The following NRBF2 variants were observed in gnomAD, a reference collection of about 807,000 sequenced individuals.
NRBF2 encodes nuclear receptor binding factor 2.
In NRBF2, 12 loss-of-function variants were observed where a neutral mutation model predicts 28.5. The ratio of observed to expected loss-of-function variants is 0.42; its 90% CI spans 0.27 to 0.68. The LOEUF (loss-of-function observed/expected upper bound fraction) is 0.68, where lower values mean the gene tolerates loss of function less well. Ranked by LOEUF, NRBF2 falls within the 30% of genes least tolerant of loss-of-function variation. NRBF2 has a pLI of 0.24. For synonymous variants in NRBF2, 102 were observed against 116.5 expected (o/e 0.88, Z 0.80); for missense variants, 274 against 333.5 (o/e 0.82, Z 1.39).
chr10:63,136,866 C>T (rs921185293), intron 1 of NRBF2, among the ~76,000 whole-genome samples: 8 of 152,188 alleles, frequency 5.3e-5, no homozygotes, highest in South Asian at 2.1e-4. Flanking sequence ...CTGGAAGAGA[C>T]TAGTTTGAAA....
Position 63,140,825 on chromosome 10 carries a change from C to T in NRBF2, c.31-5384C>T, listed in dbSNP as rs192830229. Reference sequence around the variant, plus strand: ...AAGCGATTCTCCTGCCTCAGCCTCCCGAGTAGCTGGGACTACAGGTGGGCG... The same window carrying T: ...AAGCGATTCTCCTGCCTCAGCCTCCTGAGTAGCTGGGACTACAGGTGGGCG... On this transcript the variant is annotated intron_variant, in intron 1 of 3. Transcript: ENST00000277746. Among the ~76,000 whole-genome samples the T allele has an allele frequency of 2.7e-3, 407 of 152,174 alleles. 3 individuals are homozygous for T. In the South Asian group the frequency reaches 0.036, roughly 14 times the overall value.
intron 1 of NRBF2, among the ~76,000 whole-genome samples, chr10:63,136,156 G>A (rs1168082095): frequency 1.4e-5 from 2 of 147,762 alleles, no homozygotes; most frequent in Non-Finnish European, 3.0e-5. Context: ...TTTTTGAGAC[G>A]GAGTCTCGCT....
chr10:63,144,617 C>T (rs1258988938), intron 1 of NRBF2, among the ~76,000 whole-genome samples: 4 of 151,944 alleles, frequency 2.6e-5, no homozygotes, highest in Non-Finnish European at 4.4e-5. Context: ...GGGGTTTCAC[C>T]GTGTTAGCCA....
chr10:63,142,627 T>A (rs1352640262), intron 1 of NRBF2, among the ~76,000 whole-genome samples: 1 of 152,146 alleles, frequency 6.6e-6, no homozygotes, highest in African/African-American at 2.4e-5. Flanking sequence ...GCTTTCTTCA[T>A]CATGTACATT....
chr10:63,140,543 A>C (rs150676780), intron 1 of NRBF2, among the ~76,000 whole-genome samples: 10 of 151,900 alleles, frequency 6.6e-5, no homozygotes, highest in African/African-American at 1.9e-4. Flanking sequence ...TCCCTCCTGT[A>C]GCTGGGACTA....
Position 63,133,426 on chromosome 10 carries a change from G to A in NRBF2, c.-45G>A. 6.2e-7 allele frequency: 1 copy of A among 1,609,814 alleles called. No individual in the cohort carries two copies. Among genetic ancestry groups the A allele is most frequent in the Middle Eastern group, 1.7e-4 (1 of 6,042 alleles). ...CTTGCAGTCCCCTCCATGTTCCCCG[G>A]CGCCACTACTCCCCTTCCTAAGGCC... On this transcript the variant is annotated 5_prime_UTR_variant, in exon 1 of 4. Transcript: ENST00000277746.
chr10:63,154,032 GT>G lies in NRBF2; in HGVS notation c.680del (p.Leu227TyrfsTer55). 1 of 1,612,668 alleles carries G rather than the reference GT, an allele frequency of 6.2e-7. No individual in the cohort carries two copies. The highest frequency in any genetic ancestry group is 2.2e-5 in the East Asian group (1 of 44,876). On this transcript the variant is annotated frameshift_variant, in exon 4 of 4. Transcript: ENST00000277746. LOFTEE classifies it high-confidence loss of function. ...VDADFVETSE[L>X]WSLPPHAETA... Reference sequence around the variant, plus strand: ...ATGCTGATTTTGTAGAAACGTCAGAGTTATGGAGCTTGCCACCACATGCAGA... The same window carrying G: ...ATGCTGATTTTGTAGAAACGTCAGAGTATGGAGCTTGCCACCACATGCAGA...
Position 63,153,948 on chromosome 10 carries a change from A to G in NRBF2, c.594A>G (p.Gln198=), listed in dbSNP as rs1206791993. The G allele has an allele frequency of 5.0e-6, 8 of 1,611,924 alleles. No individual in the cohort carries two copies. Among genetic ancestry groups the G allele is most frequent in the Non-Finnish European group, 6.8e-6 (8 of 1,179,812 alleles). The part of the protein sequence containing the change: ...ENERLRKENK[Q]LKAEKARLLK... ...AAAGATTAAGGAAAGAAAATAAACA[A>G]CTAAAGGCTGAAAAGGCCAGACTTC... is the stretch of plus-strand genomic sequence containing the variant. The change falls in exon 4 of 4, where the codon CAA becomes CAG. Residue 198 remains glutamine, a synonymous_variant. Coordinates refer to ENST00000277746, the MANE Select transcript of NRBF2 (RefSeq NM_030759.5).
At chr10:63,134,542 A>G (rs904289884) in intron 1 of NRBF2, among the ~76,000 whole-genome samples, 12 of 152,178 alleles carry the variant, frequency 7.9e-5, no homozygotes, top group Admixed American at 3.9e-4. Flanking sequence ...TTTGAATTCT[A>G]ACCTCGTCAC....
chr10:63,135,684 G>C (rs1432528431), intron 1 of NRBF2, among the ~76,000 whole-genome samples: 1 of 136,798 alleles, frequency 7.3e-6, no homozygotes, highest in Non-Finnish European at 1.5e-5. Context: ...GTCTCTCTCT[G>C]TCACCAGACT....
chr10:63,151,912 T>C (rs547759300), intron 2 of NRBF2, among the ~76,000 whole-genome samples: 59 of 152,352 alleles, frequency 3.9e-4, no homozygotes, highest in African/African-American at 1.4e-3. Context: ...TTCTGAATTA[T>C]AAAATCTGTA....
chr10:63,154,121 T>C lies in NRBF2; in HGVS notation c.767T>C (p.Ile256Thr), dbSNP rs1301085837. ...GCAAATACTGGGAAAGCCAAGGACA[T>C]TCCAATCCCCAATCTTCCTCCCTTG... ...FAANTGKAKD[I>T]PIPNLPPLDF... Residue 256 changes from isoleucine (I) to threonine (T), a missense_variant, in exon 4 of 4, where the codon ATT (isoleucine) becomes ACT (threonine). By Grantham distance (89) the Ile-to-Thr change is moderately conservative. Transcript: ENST00000277746. The C allele has an allele frequency of 3.1e-6, 5 of 1,613,884 alleles. No individual in the cohort carries two copies. The highest frequency in any genetic ancestry group is 4.2e-6 in the Non-Finnish European group (5 of 1,179,806).
At chr10:63,139,629 A>C (rs1004012043) in intron 1 of NRBF2, among the ~76,000 whole-genome samples, 3 of 152,110 alleles carry the variant, frequency 2.0e-5, no homozygotes, top group Non-Finnish European at 4.4e-5. Context: ...TTGGTTTATG[A>C]CCGTATAGAG....
intron 1 of NRBF2, among the ~76,000 whole-genome samples, chr10:63,137,953 C>G (rs1173267016): frequency 2.0e-5 from 3 of 152,082 alleles, no homozygotes; most frequent in African/African-American, 7.2e-5. Context: ...ATCTTTTCCT[C>G]TTAATAGCTA....
At chr10:63,144,209 G>A (rs576581193) in intron 1 of NRBF2, among the ~76,000 whole-genome samples, 41 of 152,174 alleles carry the variant, frequency 2.7e-4, no homozygotes, top group Admixed American at 2.2e-3. Context: ...AAACTATGCC[G>A]TTTGAATACC....
intron 1 of NRBF2, among the ~76,000 whole-genome samples, chr10:63,138,610 G>T (rs573153321): frequency 4.6e-5 from 7 of 151,766 alleles, no homozygotes; most frequent in Non-Finnish European, 1.0e-4. Flanking sequence ...CAGGTGCAGT[G>T]GCGGGCGCCT....
chr10:63,150,703 A>G (rs1841634137), intron 2 of NRBF2, among the ~76,000 whole-genome samples: 1 of 152,220 alleles, frequency 6.6e-6, no homozygotes, highest in African/African-American at 2.4e-5. Flanking sequence ...ATATTTTACA[A>G]TGTAATAATA....
intron 2 of NRBF2, among the ~76,000 whole-genome samples, chr10:63,149,348 C>T (rs374741153): frequency 2.0e-5 from 3 of 152,284 alleles, no homozygotes; most frequent in Admixed American, 6.5e-5. Flanking sequence ...GGATTACAGG[C>T]GTGAGCCACT....
At chr10:63,142,367 G>A (rs764211722) in intron 1 of NRBF2, among the ~76,000 whole-genome samples, 1 of 147,898 alleles carries the variant, frequency 6.8e-6, no homozygotes, top group Admixed American at 7.0e-5. Context: ...GCAATGGCAC[G>A]ATCTCAGCTC....
Sources: allele counts gnomAD v4.1 joint callset (sites outside exome capture counted in the v4.1 genomes callset), GRCh38; gene constraint gnomAD v4.1.1; transcripts MANE v1.5; gene names NCBI Gene and HGNC (gene_info 2026-07-23, HGNC 2026-07-21).